Variants in IL1RAPL2 observed in about 807,000 individuals in gnomAD.
IL1RAPL2 encodes the protein X-linked interleukin-1 receptor accessory protein-like 2.
Under a neutral mutation model 44.1 loss-of-function variants are expected in IL1RAPL2, and 3 were observed. The ratio of observed to expected loss-of-function variants is 0.07; its 90% CI spans 0.03 to 0.18. The LOEUF (loss-of-function observed/expected upper bound fraction) is 0.18, where lower values mean the gene tolerates loss of function less well. Among genes scored for constraint, IL1RAPL2 ranks in the 10% least tolerant of loss-of-function variants. IL1RAPL2 has a pLI of 1.00. For synonymous variants in IL1RAPL2, 181 were observed against 178.8 expected (o/e 1.01, Z -0.10); for missense variants, 391 against 496.4 (o/e 0.79, Z 2.02).
intron 2 of IL1RAPL2, among the ~76,000 whole-genome samples, chrX:104,663,012 A>T (rs1246682871): frequency 8.9e-6 from 1 of 111,931 alleles, no homozygotes; most frequent in Non-Finnish European, 1.9e-5. Context: ...TGTAGTCCCC[A>T]GTGGTAAGAA....
intron 2 of IL1RAPL2, among the ~76,000 whole-genome samples, chrX:104,702,054 C>T (rs1020121499): frequency 1.8e-5 from 2 of 111,500 alleles, no homozygotes; most frequent in Non-Finnish European, 3.8e-5. Flanking sequence ...CTCTACCCTT[C>T]CTTTAACACC....
intron 2 of IL1RAPL2, among the ~76,000 whole-genome samples, chrX:104,727,159 G>A (rs1931812834): frequency 9.0e-6 from 1 of 110,759 alleles, no homozygotes; most frequent in East Asian, 2.8e-4. Flanking sequence ...ATCACAGAAT[G>A]AACAGATAAC....
chrX:105,327,671 T>A (rs1267474752), intron 5 of IL1RAPL2, among the ~76,000 whole-genome samples: 2 of 111,496 alleles, frequency 1.8e-5, no homozygotes, highest in African/African-American at 6.5e-5. Context: ...GAGTGGGAAG[T>A]CCATAGGGGC....
At chrX:104,656,654 G>T (rs1456523423) in intron 1 of IL1RAPL2, among the ~76,000 whole-genome samples, 1 of 111,916 alleles carries the variant, frequency 8.9e-6, no homozygotes, top group Admixed American at 9.5e-5. Context: ...ATATTCTGTT[G>T]ATTTGGGGTG....
intron 2 of IL1RAPL2, among the ~76,000 whole-genome samples, chrX:104,691,396 A>T (rs1421693000): frequency 9.0e-6 from 1 of 111,720 alleles, no homozygotes; most frequent in Non-Finnish European, 1.9e-5. Flanking sequence ...GTGAAAACAG[A>T]CTCATTTATA....
intron 2 of IL1RAPL2, among the ~76,000 whole-genome samples, chrX:105,012,460 C>G (rs779840028): frequency 2.0e-4 from 22 of 110,382 alleles, no homozygotes; most frequent in Non-Finnish European, 4.0e-4. Context: ...AGATGGCCCT[C>G]ACTTTAAGCA....
rs1287853671 is a variant in IL1RAPL2, at chrX:104,582,606, T to C, written c.-20+15555T>C. ...TCTTTCTTTCTTTCTTTTTCTTTCT[T>C]TCTTTCTTTCTTTCTTTCTTTCTTT... is the stretch of plus-strand genomic sequence containing the variant. On this transcript the variant is annotated intron_variant, in intron 1 of 10. Transcript: ENST00000372582. 1.5e-4 allele frequency among the ~76,000 whole-genome samples: 6 copies of C among 39,874 alleles called. No homozygotes were observed. The East Asian group carries it at 4.3e-3, about 28-fold the overall frequency. 34.6% of individuals were successfully genotyped at this position (39,874 alleles called of 115,157 possible). A position where few individuals can be genotyped will look rare whatever the true frequency, so the allele number is the denominator to read the frequency against.
intron 2 of IL1RAPL2, among the ~76,000 whole-genome samples, chrX:104,863,612 G>A (rs1308705583): frequency 2.7e-5 from 3 of 111,984 alleles, no homozygotes; most frequent in African/African-American, 9.7e-5. Flanking sequence ...TTGTTTCACT[G>A]TCTCAAACAG....
chrX:105,405,798 G>T, intron 5 of IL1RAPL2: 2 of 1,159,760 alleles, frequency 1.7e-6, no homozygotes, highest in Non-Finnish European at 2.4e-6. Flanking sequence ...TGTAAGCCAG[G>T]TGGTTGCTGT....
intron 2 of IL1RAPL2, among the ~76,000 whole-genome samples, chrX:104,867,236 CAAAAAAAAAA>C (rs35810207): frequency 1.6e-4 from 7 of 43,816 alleles, no homozygotes; most frequent in South Asian, 1.5e-3. Context: ...GTCTCTGTCT[CAAAAAAAAAA>C]AAAAAAAAAA....
intron 2 of IL1RAPL2, among the ~76,000 whole-genome samples, chrX:104,768,013 T>A (rs1381158322): frequency 1.8e-5 from 2 of 112,096 alleles, no homozygotes; most frequent in African/African-American, 6.5e-5. Context: ...AAATTGTATT[T>A]TACATGTCAA....
intron 5 of IL1RAPL2, among the ~76,000 whole-genome samples, chrX:105,280,054 C>T (rs1256624000): frequency 8.9e-6 from 1 of 112,144 alleles, no homozygotes; most frequent in Non-Finnish European, 1.9e-5. Flanking sequence ...GTAACAAAAA[C>T]AGCATGGTAC....
chrX:104,582,596 T>TTCTTTTTC (rs1387907561), intron 1 of IL1RAPL2, among the ~76,000 whole-genome samples: 2,767 of 52,027 alleles, frequency 0.053, 62 homozygotes, highest in Middle Eastern at 0.067. Flanking sequence ...CTTTCTTTCT[T>TTCTTTTTC]TTTCTTTCTT....
chrX:104,781,352 C>T (rs1262424484), intron 2 of IL1RAPL2, among the ~76,000 whole-genome samples: 2 of 112,129 alleles, frequency 1.8e-5, no homozygotes, highest in African/African-American at 6.5e-5. Context: ...GATTCAAAAC[C>T]TGTCCATCTG....
chrX:105,242,780 A>T (rs1220597351), intron 4 of IL1RAPL2, among the ~76,000 whole-genome samples: 2 of 111,789 alleles, frequency 1.8e-5, no homozygotes, highest in Non-Finnish European at 3.8e-5. Flanking sequence ...CCAGAAAAGC[A>T]TCTCAACCAA....
chrX:105,602,640 A>G (rs1316583309), intron 6 of IL1RAPL2, among the ~76,000 whole-genome samples: 4 of 110,729 alleles, frequency 3.6e-5, no homozygotes, highest in African/African-American at 1.3e-4. Context: ...CTTTATACTC[A>G]AATGTCAAAA....
intron 5 of IL1RAPL2, among the ~76,000 whole-genome samples, chrX:105,347,981 G>T (rs2035124150): frequency 8.9e-6 from 1 of 111,791 alleles, no homozygotes; most frequent in Non-Finnish European, 1.9e-5. Context: ...TACCATTCAT[G>T]TATCTATTAC....
intron 2 of IL1RAPL2, among the ~76,000 whole-genome samples, chrX:104,865,936 C>T (rs914971891): frequency 4.5e-5 from 5 of 112,240 alleles, no homozygotes; most frequent in African/African-American, 1.6e-4. Flanking sequence ...GTCAATTCTC[C>T]TAATAAACTC....
rs142843223 is a variant in IL1RAPL2 at position 105,759,954 on chromosome X, G to A, written c.1363+4607G>A. 6.7e-4 allele frequency among the ~76,000 whole-genome samples: 75 copies of A among 111,914 alleles called. No homozygotes were observed. The East Asian group carries it at 0.018, about 26-fold the overall frequency. ...AAAATCGTTTTCCAGACAATCTGAT[G>A]TGTGTGACCTAAAAAGTTTGAGGGA... is the stretch of plus-strand genomic sequence containing the variant. On this transcript the variant is annotated intron_variant, in intron 10 of 10. Coordinates refer to ENST00000372582, the MANE Select transcript of IL1RAPL2 (RefSeq NM_017416.2).
Sources: gnomAD v4.1 joint callset for allele counts (sites outside exome capture counted in the v4.1 genomes callset) on GRCh38, gnomAD v4.1.1 for gene constraint, MANE v1.5 for transcripts, NCBI Gene and HGNC (gene_info 2026-07-23, HGNC 2026-07-21) for gene names.